The following SYN3 variants were observed in gnomAD, a reference collection of about 807,000 sequenced individuals.
SYN3 encodes synapsin-3.
A neutral mutation model predicts 65.8 loss-of-function variants in SYN3; 35 were observed. That is an observed-to-expected ratio of 0.53 (90% CI 0.41 to 0.70). The LOEUF (loss-of-function observed/expected upper bound fraction) is 0.70. SYN3 is among the 30% of genes least tolerant of loss of function. The probability of loss-of-function intolerance (pLI) is 0.00; values close to 1 mark genes in which losing one functional copy is unlikely to be tolerated. For missense variants in SYN3, 680 were observed against 749.0 expected, an observed-to-expected ratio of 0.91 and a Z score of 1.08; for synonymous variants, 270 against 292.9, an observed-to-expected ratio of 0.92 and a Z score of 0.80.
intron 4 of SYN3, among the ~76,000 whole-genome samples, chr22:32,893,970 T>C (rs921233237): frequency 6.6e-6 from 1 of 152,180 alleles, no homozygotes; most frequent in Non-Finnish European, 1.5e-5. Context: ...TTTCTTGCAA[T>C]GTTATCACAG....
intron 6 of SYN3, among the ~76,000 whole-genome samples, chr22:32,714,314 C>T (rs1432137936): frequency 6.6e-6 from 1 of 152,234 alleles, no homozygotes; most frequent in Non-Finnish European, 1.5e-5. Context: ...GTCACTTCCA[C>T]TCTGTGGACC....
intron 2 of SYN3, among the ~76,000 whole-genome samples, chr22:33,003,120 AG>A (rs1434080521): frequency 6.6e-6 from 1 of 152,214 alleles, no homozygotes; most frequent in Non-Finnish European, 1.5e-5. Flanking sequence ...TGGAACTGTG[AG>A]TCAATTAAAC....
chr22:32,507,920 C>G lies in SYN3; in HGVS notation c.*5772G>C, dbSNP rs1050845037. On this transcript the variant is annotated 3_prime_UTR_variant, in exon 14 of 14. Coordinates refer to ENST00000358763, the MANE Select transcript of SYN3 (RefSeq NM_003490.4). ...TCCCTTCAGCTTAATCTCTCCCACT[C>G]TAGGTTCCCACGCCGCCCCTAATCC... Among the ~76,000 whole-genome samples, 10 of 152,268 alleles carry G rather than the reference C, an allele frequency of 6.6e-5. No homozygotes were observed. The highest frequency in any genetic ancestry group is 1.3e-4 in the Non-Finnish European group (9 of 68,028).
chr22:32,830,761 T>C (rs1156633452), intron 6 of SYN3, among the ~76,000 whole-genome samples: 1 of 152,026 alleles, frequency 6.6e-6, no homozygotes, highest in Non-Finnish European at 1.5e-5. Context: ...GCCAGTCACA[T>C]GGACCGTGAG....
intron 7 of SYN3, among the ~76,000 whole-genome samples, chr22:32,549,071 G>A (rs565860725): frequency 6.6e-5 from 10 of 151,970 alleles, no homozygotes; most frequent in African/African-American, 1.9e-4. Flanking sequence ...TATGTAGGGC[G>A]GACTGCCACC....
chr22:32,869,405 A>C (rs1370297765), intron 4 of SYN3, among the ~76,000 whole-genome samples: 2 of 143,390 alleles, frequency 1.4e-5, no homozygotes, highest in African/African-American at 5.1e-5. Context: ...TTGAACATCT[A>C]TTTCATTTGC....
intron 3 of SYN3, among the ~76,000 whole-genome samples, chr22:32,942,322 A>T (rs1178885041): frequency 6.6e-6 from 1 of 152,220 alleles, no homozygotes; most frequent in Non-Finnish European, 1.5e-5. Context: ...TGCTGCTGAT[A>T]CCCAGGCAAA....
chr22:32,579,702 C>T (rs776626443), intron 7 of SYN3, among the ~76,000 whole-genome samples: 3 of 152,164 alleles, frequency 2.0e-5, no homozygotes, highest in Admixed American at 6.5e-5. Context: ...GGTGTCCTTG[C>T]CCCAGCCGCT....
Position 32,677,506 on chromosome 22 carries a change from GAC to G in SYN3, c.712-80772_712-80771del, listed in dbSNP as rs1216148887. ...AAACAAATTAGAGTCATATCAAAAT[GAC>G]ACAAGATTGACTGGGCGCGGTGGCT... is the stretch of plus-strand genomic sequence containing the variant. On this transcript the variant is annotated intron_variant, in intron 6 of 13. Transcript: ENST00000358763. 3.3e-5 allele frequency among the ~76,000 whole-genome samples: 5 copies of G among 152,146 alleles called. No homozygotes were observed. The South Asian group carries it at 6.2e-4, about 19-fold the overall frequency.
At chr22:32,679,755 G>A (rs1163992446) in intron 6 of SYN3, among the ~76,000 whole-genome samples, 1 of 144,474 alleles carries the variant, frequency 6.9e-6, no homozygotes, top group Non-Finnish European at 1.5e-5. Flanking sequence ...TCATATATCT[G>A]TTAGCCATTT....
intron 6 of SYN3, among the ~76,000 whole-genome samples, chr22:32,619,634 G>A (rs901895419): frequency 1.3e-5 from 2 of 152,220 alleles, no homozygotes; most frequent in African/African-American, 4.8e-5. Flanking sequence ...TGCACTGATA[G>A]TATCAATTAC....
chr22:32,929,155 G>A (rs1050765736), intron 4 of SYN3, among the ~76,000 whole-genome samples: 2 of 152,140 alleles, frequency 1.3e-5, no homozygotes, highest in African/African-American at 2.4e-5. Context: ...GGTGGTGCAT[G>A]TCTGTAATCC....
At chr22:32,935,317 C>T (rs2050742653) in intron 3 of SYN3, among the ~76,000 whole-genome samples, 1 of 152,016 alleles carries the variant, frequency 6.6e-6, no homozygotes, top group Admixed American at 6.6e-5. Context: ...CTCACACACA[C>T]ACACACAAAA....
At chr22:33,028,683 TGGTGGTGA>T (rs2053688126) in intron 1 of SYN3, among the ~76,000 whole-genome samples, 1 of 85,400 alleles carries the variant, frequency 1.2e-5, no homozygotes, top group African/African-American at 6.8e-5. Flanking sequence ...GTGGTGGTGG[TGGTGGTGA>T]TGGTGGTGGT....
At chr22:32,885,626 T>C (rs1167670055) in intron 4 of SYN3, among the ~76,000 whole-genome samples, 2 of 151,972 alleles carry the variant, frequency 1.3e-5, no homozygotes, top group Non-Finnish European at 2.9e-5. Flanking sequence ...AGTGGCACGA[T>C]CTCAGCTCAC....
In SYN3 at chr22:32,806,690, A is replaced by T. The variant is rs184745433; in HGVS notation, c.711+58225T>A. 1.8e-4 allele frequency among the ~76,000 whole-genome samples: 28 copies of T among 152,314 alleles called. No homozygotes were observed. In the East Asian group the frequency reaches 4.4e-3, roughly 24 times the overall value. ...TGTACCATCTTGGCCTGTTTTATCT[A>T]TATTTTAAAAGCTACAAGTATATGA... is the stretch of plus-strand genomic sequence containing the variant. On this transcript the variant is annotated intron_variant, in intron 6 of 13. Transcript: ENST00000358763.
At chr22:32,547,157 G>A (rs1323499408) in intron 7 of SYN3, among the ~76,000 whole-genome samples, 1 of 151,772 alleles carries the variant, frequency 6.6e-6, no homozygotes, top group Non-Finnish European at 1.5e-5. Flanking sequence ...TTTCTTTGTC[G>A]TATTTTTTGT....
chr22:32,882,906 G>A (rs559226978), intron 4 of SYN3, among the ~76,000 whole-genome samples: 6 of 150,414 alleles, frequency 4.0e-5, no homozygotes, highest in African/African-American at 7.4e-5. Flanking sequence ...AAGTCCCCCC[G>A]CCCCCCAACC....
At chr22:32,704,082 T>C (rs1056597360) in intron 6 of SYN3, among the ~76,000 whole-genome samples, 2 of 152,230 alleles carry the variant, frequency 1.3e-5, no homozygotes, top group Admixed American at 6.5e-5. Context: ...AAAAGACTTT[T>C]AGGTTCAGGG....
Sources: allele counts gnomAD v4.1 joint callset (sites outside exome capture counted in the v4.1 genomes callset), GRCh38; gene constraint gnomAD v4.1.1; transcripts MANE v1.5; gene names NCBI Gene and HGNC (gene_info 2026-07-23, HGNC 2026-07-21).